Variants in MKNK2 observed in about 807,000 individuals in gnomAD.
The protein encoded by MKNK2 is MAPK interacting serine/threonine kinase 2.
Under a neutral mutation model 55.0 loss-of-function variants are expected in MKNK2, and 54 were observed. That is an observed-to-expected ratio of 0.98 (90% CI 0.79 to 1.23). MKNK2 has a LOEUF of 1.23. Ranked by LOEUF, MKNK2 falls within the 50% of genes most tolerant of loss-of-function variation. The pLI is 0.00. For synonymous variants in MKNK2, 323 were observed against 256.0 expected (o/e 1.26, Z -2.50); for missense variants, 685 against 632.1 (o/e 1.08, Z -0.90).
In MKNK2 at chr19:2,043,704, C is replaced by G. The variant is rs1158086006; in HGVS notation, c.340-122G>C. The G allele has an allele frequency of 1.3e-5, 12 of 894,708 alleles. 1 individual carries two copies. The South Asian group carries it at 1.4e-4, about 11-fold the overall frequency. The allele number at this position is 894,708 out of a possible 1,614,324, so 55.4% of individuals were successfully genotyped here. A position where few individuals can be genotyped will look rare whatever the true frequency, so the allele number is the denominator to read the frequency against. ...CTTAACGCCCTGCAACTCTAGAAAG[C>G]AGGGCTCACGCCTGTCATCCCAGCA... On this transcript the variant is annotated intron_variant, in intron 5 of 13. Coordinates refer to ENST00000250896, the MANE Select transcript of MKNK2 (RefSeq NM_199054.3).
rs557484222 is a variant in MKNK2, at chr19:2,042,256, G to T, written c.750+171C>A. The T allele has an allele frequency of 2.1e-4, 159 of 740,852 alleles. No individual in the cohort carries two copies. In the African/African-American group the frequency reaches 2.6e-3, roughly 12 times the overall value. 45.9% of individuals were successfully genotyped at this position (740,852 alleles called of 1,614,324 possible). ...CCACCCGGCCAAACACCGACGCGTT[G>T]GGGCGCCTGCTCGAGGCCCCGCCGC... On this transcript the variant is annotated intron_variant, in intron 10 of 13. Coordinates refer to ENST00000250896, the MANE Select transcript of MKNK2 (RefSeq NM_199054.3).
rs1001000954 is a variant in MKNK2 at position 2,046,383 on chromosome 19, G to A, written c.225C>T (p.Phe75=). 3.1e-6 allele frequency: 5 copies of A among 1,608,188 alleles called. No individual in the cohort carries two copies. Among genetic ancestry groups the A allele is most frequent in the South Asian group, 2.2e-5 (2 of 91,080 alleles). Residue 75 remains phenylalanine, a synonymous_variant, in exon 4 of 14, where the codon TTC becomes TTT. Transcript: ENST00000250896. ...CCCGCTCACCTTCAAACCTGCCCGA[G>A]AAGCTGTCGGTGGCCCGGCCGCGCT... is the stretch of plus-strand genomic sequence containing the variant. ...KKKRGRATDS[F]SGRFEDVYQL... is the part of the protein sequence containing the mutation.
At position 2,039,175 on chromosome 19, in the gene MKNK2, C is replaced by G; in HGVS notation, c.*438G>C. ...TGAAATACTGCGGGCTGGGAGGGAACACGAGGGCAGGGTCCTGTGCCCCTC... is the reference window on the plus strand; with the variant it reads ...TGAAATACTGCGGGCTGGGAGGGAAGACGAGGGCAGGGTCCTGTGCCCCTC... On this transcript the variant is annotated 3_prime_UTR_variant, in exon 14 of 14. Coordinates refer to ENST00000250896, the MANE Select transcript of MKNK2 (RefSeq NM_199054.3). 1.0e-6 allele frequency: 1 copy of G among 1,003,638 alleles called. No individual in the cohort carries two copies. The highest frequency in any genetic ancestry group is 1.7e-5 in the African/African-American group (1 of 57,972). The allele number at this position is 1,003,638 out of a possible 1,614,324, so 62.2% of individuals were successfully genotyped here. A position where few individuals can be genotyped will look rare whatever the true frequency, so the allele number is the denominator to read the frequency against.
Position 2,038,326 on chromosome 19 carries a change from C to A in MKNK2, c.*1287G>T. 1.0e-6 allele frequency: 1 copy of A among 986,576 alleles called. No individual in the cohort carries two copies. The highest frequency in any genetic ancestry group is 4.7e-5 in the South Asian group (1 of 21,474). The allele number at this position is 986,576 out of a possible 1,614,324, so 61.1% of individuals were successfully genotyped here. ...GGATTTAGAAGCCAGAGGGGCTGCC[C>A]CAGCTGTGGAGCTCGGGGGCTGCGC... On this transcript the variant is annotated 3_prime_UTR_variant, in exon 14 of 14. Coordinates refer to ENST00000250896, the MANE Select transcript of MKNK2 (RefSeq NM_199054.3).
chr19:2,050,224 G>T (rs1319673221), intron 2 of MKNK2, among the ~76,000 whole-genome samples: 1 of 152,228 alleles, frequency 6.6e-6, no homozygotes, highest in Non-Finnish European at 1.5e-5. Flanking sequence ...TTGGGCCTGG[G>T]GTGTCTGCGA....
At chr19:2,043,315 A>C (rs1001455913) in intron 6 of MKNK2, 118 bp from the exon 7 acceptor site, 1 of 1,039,274 alleles carries the variant, frequency 9.6e-7, no homozygotes, top group East Asian at 2.4e-5. Context: ...GGAAGCTGGG[A>C]CTGGGGCAAT....
chr19:2,042,081 G>T, intron 10 of MKNK2, 47 bp from the exon 11 acceptor site: 2 of 1,419,512 alleles, frequency 1.4e-6, no homozygotes, highest in Non-Finnish European at 1.9e-6. Flanking sequence ...CCAGCATTAC[G>T]TGGGAACCGA....
chr19:2,037,969 AC>A lies in MKNK2; in HGVS notation c.*1643del. 1 of 1,383,372 alleles carries A rather than the reference AC, an allele frequency of 7.2e-7. No individual in the cohort carries two copies. Among genetic ancestry groups the A allele is most frequent in the Non-Finnish European group, 9.4e-7 (1 of 1,058,700 alleles). The allele number at this position is 1,383,372 out of a possible 1,614,324, so 85.7% of individuals were successfully genotyped here. ...ACAAAAAGGCAGAGAATCCCCCGTT[AC>A]GAAACATGGAATCACTGACAGGCGA... On this transcript the variant is annotated 3_prime_UTR_variant, in exon 14 of 14. Coordinates refer to ENST00000250896, the MANE Select transcript of MKNK2 (RefSeq NM_199054.3).
At chr19:2,048,101 T>C (rs2017037630) in intron 2 of MKNK2, among the ~76,000 whole-genome samples, 1 of 151,998 alleles carries the variant, frequency 6.6e-6, no homozygotes, top group Non-Finnish European at 1.5e-5. Flanking sequence ...CATCCTGCAC[T>C]CTCCCATTTC....
Position 2,043,531 on chromosome 19 carries a change from C to A in MKNK2, c.391G>T (p.Glu131Ter). ...TGTCCCTGGCACTGGTACAGCATCTCCACCTCCCTGAAAACCCTGCTCCGA... is the reference window on the plus strand; with the variant it reads ...TGTCCCTGGCACTGGTACAGCATCTACACCTCCCTGAAAACCCTGCTCCGA... ...HIRSRVFREV[E>*]MLYQCQGHRN... is the part of the protein sequence containing the mutation. Residue 131 changes from glutamate (E) to a stop codon, truncating the protein, a stop_gained, in exon 6 of 14, where the codon GAG (glutamate) becomes TAG (stop). Transcript: ENST00000250896. LOFTEE classifies it high-confidence loss of function. 3.1e-6 allele frequency: 5 copies of A among 1,614,086 alleles called. No homozygotes were observed. The highest frequency in any genetic ancestry group is 4.2e-6 in the Non-Finnish European group (5 of 1,179,994).
At chr19:2,045,293 TCAAA>T (rs1236851311) in intron 5 of MKNK2, among the ~76,000 whole-genome samples, 2 of 152,048 alleles carry the variant, frequency 1.3e-5, no homozygotes, top group Non-Finnish European at 2.9e-5. Flanking sequence ...TCCCTATCTG[TCAAA>T]CAAAGACAGG....
chr19:2,046,403 C>A lies in MKNK2; in HGVS notation c.205G>T (p.Gly69Cys). 6.2e-7 allele frequency: 1 copy of A among 1,608,962 alleles called. No individual in the cohort carries two copies. Among genetic ancestry groups the A allele is most frequent in the Non-Finnish European group, 8.5e-7 (1 of 1,179,816 alleles). ...CCCGAGAAGCTGTCGGTGGCCCGGC[C>A]GCGCTTCTTCTTCTTGCCCCTCTTC... ...AKKRGKKKKR[G>C]RATDSFSGRF... is the part of the protein sequence containing the mutation. Residue 69 changes from glycine (G) to cysteine (C), a missense_variant, in exon 4 of 14, where the codon GGC (glycine) becomes TGC (cysteine). Gly to Cys is a radical substitution (Grantham distance 159, BLOSUM62 -3). Transcript: ENST00000250896.
rs1215018092 is a variant in MKNK2 at position 2,042,882 on chromosome 19, A to G, written c.494-12T>C. The G allele has an allele frequency of 1.9e-6, 3 of 1,556,536 alleles. No individual in the cohort carries two copies. Among genetic ancestry groups the G allele is most frequent in the Non-Finnish European group, 2.6e-6 (3 of 1,149,838 alleles). ...GCTCAGGATGGAGCCTGGGCAGGGCAGGGCAGGGCAGGACAGGGGGAACAC... is the reference window on the plus strand; with the variant it reads ...GCTCAGGATGGAGCCTGGGCAGGGCGGGGCAGGGCAGGACAGGGGGAACAC... On this transcript the variant is annotated splice_polypyrimidine_tract_variant and intron_variant, in intron 7 of 13. Coordinates refer to ENST00000250896, the MANE Select transcript of MKNK2 (RefSeq NM_199054.3).
At chr19:2,041,811 A>G (rs1599380288) in intron 11 of MKNK2, 29 bp downstream of exon 11, 5 of 1,481,066 alleles carry the variant, frequency 3.4e-6, no homozygotes, top group Non-Finnish European at 2.7e-6. Flanking sequence ...GAGGGTGCCC[A>G]GGAGAGGAGG....
rs2016899292 is a variant in MKNK2 at position 2,042,099 on chromosome 19, T to C, written c.751-65A>G. The C allele has an allele frequency of 1.7e-5, 24 of 1,373,828 alleles. No homozygotes were observed. In the East Asian group the frequency reaches 7.0e-4, roughly 40 times the overall value. 85.1% of individuals were successfully genotyped at this position (1,373,828 alleles called of 1,614,324 possible). A position where few individuals can be genotyped will look rare whatever the true frequency, so the allele number is the denominator to read the frequency against. ...GCATTACGTGGGAACCGAGCCCGGG[T>C]AACTGCGGGTCACCTGCGCCAGCCG... On this transcript the variant is annotated intron_variant, in intron 10 of 13. Coordinates refer to ENST00000250896, the MANE Select transcript of MKNK2 (RefSeq NM_199054.3).
rs1002458282 is a variant in MKNK2, at chr19:2,042,255, T to C, written c.750+172A>G. On this transcript the variant is annotated intron_variant, in intron 10 of 13. Coordinates refer to ENST00000250896, the MANE Select transcript of MKNK2 (RefSeq NM_199054.3). ...CCCACCCGGCCAAACACCGACGCGT[T>C]GGGGCGCCTGCTCGAGGCCCCGCCG... 8.0e-5 allele frequency: 59 copies of C among 737,038 alleles called. No homozygotes were observed. In the East Asian group the frequency reaches 1.2e-3, roughly 15 times the overall value. 45.7% of individuals were successfully genotyped at this position (737,038 alleles called of 1,614,324 possible).
At position 2,039,619 on chromosome 19, in the gene MKNK2, G is replaced by A. The variant is rs553156940; in HGVS notation, c.1392C>T (p.His464=). The change falls in exon 14 of 14, where the codon CAC becomes CAT. Residue 464 remains histidine (H), a synonymous_variant. Coordinates refer to ENST00000250896, the MANE Select transcript of MKNK2 (RefSeq NM_199054.3). ...SSAPVVLVGD[H]A ...CAGAGGGGAGATGGGAGGGTCAGGC[G>A]TGGTCTCCCACCAGGACCACTGGGG... The A allele has an allele frequency of 1.7e-5, 28 of 1,610,998 alleles. No homozygotes were observed. Among genetic ancestry groups the A allele is most frequent in the South Asian group, 5.5e-5 (5 of 91,014 alleles).
chr19:2,049,196 G>A (rs1331430503), intron 2 of MKNK2, among the ~76,000 whole-genome samples: 1 of 152,178 alleles, frequency 6.6e-6, no homozygotes, highest in Non-Finnish European at 1.5e-5. Flanking sequence ...CGTGTACAGG[G>A]GAGCCCCAGG....
chr19:2,037,905 G>C lies in MKNK2; in HGVS notation c.*1708C>G. On this transcript the variant is annotated 3_prime_UTR_variant, in exon 14 of 14. Coordinates refer to ENST00000250896, the MANE Select transcript of MKNK2 (RefSeq NM_199054.3). ...CTTTAGAGACCCGATGGCTATGGGC[G>C]CCTGCAGCGGGCGGGGGTCCATTTG... The C allele has an allele frequency of 3.5e-6, 5 of 1,440,828 alleles. No individual in the cohort carries two copies. Among genetic ancestry groups the C allele is most frequent in the Non-Finnish European group, 4.6e-6 (5 of 1,080,562 alleles). 89.3% of individuals were successfully genotyped at this position (1,440,828 alleles called of 1,614,324 possible).
Sources: gnomAD v4.1 joint callset for allele counts (sites outside exome capture counted in the v4.1 genomes callset) on GRCh38, gnomAD v4.1.1 for gene constraint, MANE v1.5 for transcripts, NCBI Gene and HGNC (gene_info 2026-07-23, HGNC 2026-07-21) for gene names.